Variants in SPTBN1 observed in about 807,000 individuals in gnomAD.
SPTBN1 encodes spectrin beta chain, non-erythrocytic 1.
Under a neutral mutation model 266.4 loss-of-function variants are expected in SPTBN1, and 32 were observed. The observed-to-expected ratio is 0.12, with a 90% CI of 0.09 to 0.16. The LOEUF (loss-of-function observed/expected upper bound fraction) is 0.16. SPTBN1 is among the 10% of genes least tolerant of loss of function. SPTBN1 has a pLI of 1.00. For missense variants in SPTBN1, 2,296 were observed against 3,067.1 expected, an observed-to-expected ratio of 0.75 and a Z score of 5.94; for synonymous variants, 1,336 against 1,162.2, an observed-to-expected ratio of 1.15 and a Z score of -3.04.
intron 7 of SPTBN1, 58 bp from the exon 8 acceptor site, chr2:54,621,342 A>G: frequency 7.5e-7 from 1 of 1,332,922 alleles, no homozygotes; most frequent in Non-Finnish European, 1.1e-6. Flanking sequence ...TGTTCCTGCT[A>G]CCTGGGTGGG....
rs765199393 is a variant in SPTBN1, at chr2:54,653,773, C to T, written c.5742C>T (p.Phe1914=). The T allele has an allele frequency of 6.2e-7, 1 of 1,614,216 alleles. No individual in the cohort carries two copies. Among genetic ancestry groups the T allele is most frequent in the East Asian group, 2.2e-5 (1 of 44,892 alleles). The stretch of plus-strand genomic sequence containing the variant: ...GGCTGGTGGACACAGGGGACAAGTT[C>T]CGCTTCTTCAGCATGGTGCGCGACC... ...RVRLVDTGDK[F]RFFSMVRDLM... The change falls in exon 27 of 36, where the codon TTC becomes TTT. Residue 1914 remains phenylalanine (F), a synonymous_variant. Transcript: ENST00000356805. This position sits in a 1 kb window ranked among gnomAD's most constrained non-coding sequence, Gnocchi z 5.1.
In SPTBN1 at chr2:54,645,033, G is replaced by A. The variant is rs1679826754; in HGVS notation, c.4270-196G>A. The A allele has an allele frequency of 1.7e-6, 1 of 603,780 alleles. No individual in the cohort carries two copies. Among genetic ancestry groups the A allele is most frequent in the South Asian group, 2.0e-5 (1 of 49,916 alleles). The allele number at this position is 603,780 out of a possible 1,614,324, so 37.4% of individuals were successfully genotyped here. ...TATATCACCGTAGAGGGCTTTAAGG[G>A]CAAATGAATTTACCTCAGATTTACT... On this transcript the variant is annotated intron_variant, in intron 20 of 35. Transcript: ENST00000356805. The surrounding 1 kb of genome is among the most constrained non-coding windows in gnomAD (Gnocchi z 4.3).
chr2:54,650,009 A>G lies in SPTBN1; in HGVS notation c.5577+20A>G, dbSNP rs3739109. 0.19 allele frequency: 295,294 copies of G among 1,591,256 alleles called. 28,489 individuals are homozygous for G. Among genetic ancestry groups the G allele is most frequent in the Non-Finnish European group, 0.2 (236,716 of 1,168,322 alleles). ...ACACAGGTGGGTATGGCAGCCACCC[A>G]GGGGTGCTGGGGAGGCTTTTTCTCC... On this transcript the variant is annotated intron_variant, in intron 26 of 35. Transcript: ENST00000356805.
intron 2 of SPTBN1, among the ~76,000 whole-genome samples, chr2:54,569,011 A>G (rs2104511519): frequency 6.6e-6 from 1 of 152,306 alleles, no homozygotes; most frequent in African/African-American, 2.4e-5. Flanking sequence ...TTTAGCGCTA[A>G]TAGTGGATTT....
chr2:54,478,802 C>T (rs1213487917), intron 1 of SPTBN1, among the ~76,000 whole-genome samples: 2 of 152,066 alleles, frequency 1.3e-5, no homozygotes, highest in African/African-American at 4.8e-5. Context: ...CTGTTAATAG[C>T]ATGAATGGTT....
At chr2:54,617,544 G>T in intron 5 of SPTBN1, 64 bp from the exon 6 acceptor site, 2 of 1,516,098 alleles carry the variant, frequency 1.3e-6, no homozygotes, top group South Asian at 2.3e-5. Flanking sequence ...CAAAGCACTT[G>T]GCAAAAGTAT....
At position 54,526,431 on chromosome 2, in the gene SPTBN1, G is replaced by A; in HGVS notation, c.13G>A (p.Val5Ile). 1.9e-6 allele frequency: 3 copies of A among 1,614,204 alleles called. No homozygotes were observed. The highest frequency in any genetic ancestry group is 2.5e-6 in the Non-Finnish European group (3 of 1,180,030). Residue 5 changes from valine (V) to isoleucine (I), a missense_variant, in exon 2 of 36, where the codon GTA becomes ATA. Coordinates refer to ENST00000356805, the MANE Select transcript of SPTBN1 (RefSeq NM_003128.3). MTTT[V>I]ATDYDNIEIQ... ...GAGACAGTTCAAGATGACGACCACAGTAGCCACAGACTATGACAACATTGA... is the reference window on the plus strand; with the variant it reads ...GAGACAGTTCAAGATGACGACCACAATAGCCACAGACTATGACAACATTGA...
At chr2:54,470,855 C>A (rs757158277) in intron 1 of SPTBN1, among the ~76,000 whole-genome samples, 1 of 152,186 alleles carries the variant, frequency 6.6e-6, no homozygotes, top group African/African-American at 2.4e-5. Flanking sequence ...TCATTAAATA[C>A]TGAGATTATC....
intron 1 of SPTBN1, among the ~76,000 whole-genome samples, chr2:54,518,467 A>AAG (rs1670243040): frequency 2.6e-5 from 4 of 151,274 alleles, no homozygotes; most frequent in Admixed American, 2.6e-4. Context: ...AAAAAAAAAA[A>AAG]AAGAAACAGT....
chr2:54,600,997 GA>G (rs1049004649), intron 3 of SPTBN1, among the ~76,000 whole-genome samples: 70 of 152,166 alleles, frequency 4.6e-4, no homozygotes, highest in Non-Finnish European at 2.2e-4. Context: ...AACAGGGCAA[GA>G]AAAATATAAG....
intron 20 of SPTBN1, 39 bp downstream of exon 20, chr2:54,644,625 G>C (rs1396267664): frequency 1.9e-6 from 3 of 1,572,258 alleles, no homozygotes; most frequent in Non-Finnish European, 2.6e-6. Context: ...GTGTATTTCT[G>C]TTTTACAGCC....
rs1224203550 is a variant in SPTBN1 at position 54,653,333 on chromosome 2, G to T, written c.5578-276G>T. ...CAGATATCCCAGGCTGCCTCCAGGG[G>T]ACTTTCCCTGACTAAACTCTCCTGC... On this transcript the variant is annotated intron_variant, in intron 26 of 35. Transcript: ENST00000356805. The surrounding 1 kb of genome is among the most constrained non-coding windows in gnomAD (Gnocchi z 5.1). 2.6e-6 allele frequency: 1 copy of T among 385,920 alleles called. No homozygotes were observed. The highest frequency in any genetic ancestry group is 4.5e-5 in the Admixed American group (1 of 22,016). The allele number at this position is 385,920 out of a possible 1,614,324, so 23.9% of individuals were successfully genotyped here.
chr2:54,596,898 CTG>C (rs1676129601), intron 2 of SPTBN1, among the ~76,000 whole-genome samples: 2 of 152,176 alleles, frequency 1.3e-5, no homozygotes, highest in Admixed American at 6.5e-5. Flanking sequence ...AGTATATTGA[CTG>C]TTGTTTCTGG....
chr2:54,626,093 G>T lies in SPTBN1; in HGVS notation c.1503G>T (p.Ala501=). The part of the protein sequence containing the change: ...ENYHDIKRIT[A]RKDNVIRLWE... ...ACCACGACATCAAGCGCATCACAGC[G>T]AGGAAGGACAATGTCATCCGGCTCT... Residue 501 remains alanine (A), a synonymous_variant, in exon 12 of 36, where the codon GCG becomes GCT. Coordinates refer to ENST00000356805, the MANE Select transcript of SPTBN1 (RefSeq NM_003128.3). This position sits in a 1 kb window ranked among gnomAD's most constrained non-coding sequence, Gnocchi z 4.7. 6.2e-7 allele frequency: 1 copy of T among 1,614,172 alleles called. No individual in the cohort carries two copies. Among genetic ancestry groups the T allele is most frequent in the African/African-American group, 1.3e-5 (1 of 75,024 alleles).
chr2:54,659,147 C>G lies in SPTBN1; in HGVS notation c.6244-7C>G, dbSNP rs1403095741. ...ACTCTACCAAACATCACTCTATTTT[C>G]TCTTAGTTGGAGTTACTGGAAGTGC... On this transcript the variant is annotated splice_region_variant and splice_polypyrimidine_tract_variant and intron_variant, in intron 30 of 35. Transcript: ENST00000356805. The G allele has an allele frequency of 6.2e-7, 1 of 1,613,556 alleles. No homozygotes were observed. Among genetic ancestry groups the G allele is most frequent in the Non-Finnish European group, 8.5e-7 (1 of 1,179,748 alleles).
chr2:54,559,908 G>A (rs969550155), intron 2 of SPTBN1, among the ~76,000 whole-genome samples: 4 of 152,160 alleles, frequency 2.6e-5, no homozygotes, highest in Admixed American at 6.5e-5. Flanking sequence ...TTGGGAAGAG[G>A]GGGGAGGATG....
At chr2:54,457,978 G>A (rs893476280) in intron 1 of SPTBN1, among the ~76,000 whole-genome samples, 1 of 152,264 alleles carries the variant, frequency 6.6e-6, no homozygotes, top group Non-Finnish European at 1.5e-5. Context: ...GGGAGGGGCT[G>A]CAGGAAGGAC....
intron 1 of SPTBN1, among the ~76,000 whole-genome samples, chr2:54,522,061 C>G (rs1427886811): frequency 6.6e-6 from 1 of 150,418 alleles, no homozygotes; most frequent in Admixed American, 6.7e-5. Flanking sequence ...CCACAGCTGG[C>G]TATTTTTTTT....
chr2:54,556,886 A>T (rs1294798231), intron 2 of SPTBN1, among the ~76,000 whole-genome samples: 1 of 152,150 alleles, frequency 6.6e-6, no homozygotes, highest in Non-Finnish European at 1.5e-5. Flanking sequence ...TCATAGGGTA[A>T]TTAAGAGGCT....
Sources: gnomAD v4.1 joint callset for allele counts (sites outside exome capture counted in the v4.1 genomes callset) on GRCh38, gnomAD v4.1.1 for gene constraint, Gnocchi (gnomAD v3.1) non-coding constraint, MANE v1.5 for transcripts, NCBI Gene and HGNC (gene_info 2026-07-23, HGNC 2026-07-21) for gene names.